Variants in ANKS1B observed in about 807,000 individuals in gnomAD.
The protein encoded by ANKS1B is ankyrin repeat and sterile alpha motif domain-containing protein 1B.
A neutral mutation model predicts 148.3 loss-of-function variants in ANKS1B; 36 were observed. That is an observed-to-expected ratio of 0.24 (90% confidence interval 0.19 to 0.32). The LOEUF is 0.32. Among genes scored for constraint, ANKS1B ranks in the 10% least tolerant of loss-of-function variants. ANKS1B has a pLI of 1.00. For synonymous variants in ANKS1B, 542 were observed against 560.8 expected (o/e 0.97, Z 0.47); for missense variants, 1,157 against 1,542.6 (o/e 0.75, Z 4.19).
chr12:99,504,452 C>A, intron 10 of ANKS1B, 24 bp downstream of exon 10: 2 of 1,605,310 alleles, frequency 1.2e-6, no homozygotes, highest in Non-Finnish European at 1.7e-6. Context: ...TTGAATCAGG[C>A]CAATTGTGAG....
intron 14 of ANKS1B, among the ~76,000 whole-genome samples, chr12:99,164,992 T>C (rs1282243630): frequency 6.6e-6 from 1 of 152,048 alleles, no homozygotes; most frequent in Non-Finnish European, 1.5e-5. Context: ...GTAGTTTAGT[T>C]AGAATAGTTT....
intron 2 of ANKS1B, among the ~76,000 whole-genome samples, chr12:99,825,033 T>TA (rs1237012077): frequency 6.6e-6 from 1 of 152,180 alleles, no homozygotes; most frequent in Non-Finnish European, 1.5e-5. Context: ...CCCCCAAAGA[T>TA]ACACATGACT....
chr12:99,167,938 A>G (rs558035986), intron 14 of ANKS1B, among the ~76,000 whole-genome samples: 37 of 152,234 alleles, frequency 2.4e-4, no homozygotes, highest in Non-Finnish European at 4.9e-4. Flanking sequence ...AGTGAAAGAA[A>G]CCAGACCAAA....
chr12:99,189,225 C>T (rs1257474380), intron 14 of ANKS1B, among the ~76,000 whole-genome samples: 1 of 152,040 alleles, frequency 6.6e-6, no homozygotes, highest in Non-Finnish European at 1.5e-5. Flanking sequence ...AAAAAAAGTC[C>T]AGGACCAAAC....
At chr12:99,468,048 G>C (rs1301997520) in intron 10 of ANKS1B, among the ~76,000 whole-genome samples, 2 of 152,100 alleles carry the variant, frequency 1.3e-5, no homozygotes, top group Admixed American at 6.6e-5. Context: ...ACACTACAAG[G>C]CTACAGTAAC....
chr12:99,638,648 G>C (rs539247496), intron 9 of ANKS1B, among the ~76,000 whole-genome samples: 1 of 152,272 alleles, frequency 6.6e-6, no homozygotes, highest in Admixed American at 6.5e-5. Context: ...ATTTTCTGGG[G>C]AGAAATCAAG....
At chr12:99,521,726 A>ATC (rs202020332) in intron 9 of ANKS1B, among the ~76,000 whole-genome samples, 540 of 150,670 alleles carry the variant, frequency 3.6e-3, no homozygotes, top group Middle Eastern at 0.01. Flanking sequence ...CTCTCTCTCA[A>ATC]TCTCTCGCTC....
intron 12 of ANKS1B, among the ~76,000 whole-genome samples, chr12:99,298,349 A>G (rs1004403395): frequency 2.3e-4 from 35 of 152,202 alleles, no homozygotes; most frequent in African/African-American, 6.5e-4. Flanking sequence ...TTCTCATAGT[A>G]GTGAACAAGT....
At chr12:98,737,602 C>G (rs2097779804) in intron 9 of ANKS1B, among the ~76,000 whole-genome samples, 1 of 152,184 alleles carries the variant, frequency 6.6e-6, no homozygotes. Context: ...CTCCTGAGTT[C>G]CATGGGATGA....
intron 10 of ANKS1B, among the ~76,000 whole-genome samples, chr12:99,466,359 T>A (rs543581458): frequency 5.3e-5 from 8 of 152,108 alleles, no homozygotes; most frequent in Non-Finnish European, 1.2e-4. Flanking sequence ...ATTGACACCC[T>A]AACATCACAA....
chr12:99,045,551 C>T (rs2099961775), intron 17 of ANKS1B, among the ~76,000 whole-genome samples: 1 of 152,192 alleles, frequency 6.6e-6, no homozygotes, highest in African/African-American at 2.4e-5. Flanking sequence ...CAGGTGCCAA[C>T]ACGAAAGATT....
At chr12:99,359,340 A>G (rs2152422957) in intron 12 of ANKS1B, among the ~76,000 whole-genome samples, 1 of 152,148 alleles carries the variant, frequency 6.6e-6, no homozygotes, top group Admixed American at 6.6e-5. Context: ...AGGATATTTT[A>G]TTATTTAAGT....
chr12:99,671,384 T>A (rs79510713), intron 8 of ANKS1B, among the ~76,000 whole-genome samples: 3 of 152,090 alleles, frequency 2.0e-5, no homozygotes, highest in African/African-American at 7.2e-5. Context: ...TTAATAGGCA[T>A]GTTTGATCAA....
intron 1 of ANKS1B, among the ~76,000 whole-genome samples, chr12:99,832,385 C>T (rs1014067916): frequency 1.3e-5 from 2 of 151,864 alleles, no homozygotes; most frequent in African/African-American, 4.8e-5. Context: ...GTCAGGAGAT[C>T]GAGACCAGCC....
intron 11 of ANKS1B, among the ~76,000 whole-genome samples, chr12:99,414,505 A>T (rs2094828717): frequency 6.6e-6 from 1 of 151,482 alleles, no homozygotes; most frequent in Admixed American, 6.6e-5. Context: ...TGCAGCCATA[A>T]AAAGGATGAG....
intron 14 of ANKS1B, among the ~76,000 whole-genome samples, chr12:99,236,724 C>T (rs1469059746): frequency 6.6e-6 from 1 of 152,178 alleles, no homozygotes; most frequent in East Asian, 1.9e-4. Flanking sequence ...GGAGGGCATG[C>T]TTGTCTTGTG....
rs1036685567 is a variant in ANKS1B, at chr12:98,751,639, G to A, written c.3580-117C>T. 1.1e-6 allele frequency: 1 copy of A among 944,848 alleles called. No homozygotes were observed. The highest frequency in any genetic ancestry group is 1.6e-5 in the South Asian group (1 of 63,952). 58.5% of individuals were successfully genotyped at this position (944,848 alleles called of 1,614,324 possible). A position where few individuals can be genotyped will look rare whatever the true frequency, so the allele number is the denominator to read the frequency against. On this transcript the variant is annotated intron_variant, in intron 25 of 26. Coordinates refer to ENST00000683438, the MANE Select transcript of ANKS1B (RefSeq NM_001352186.2). The surrounding 1 kb of genome is among the most constrained non-coding windows in gnomAD (Gnocchi z 4.3). ...GAGGAACTTGAACTACTTCACCAGAGGCAGCAGCGATTCGGTGGAAATCTA... is the reference window on the plus strand; with the variant it reads ...GAGGAACTTGAACTACTTCACCAGAAGCAGCAGCGATTCGGTGGAAATCTA...
intron 1 of ANKS1B, among the ~76,000 whole-genome samples, chr12:99,916,582 G>A (rs2094178083): frequency 6.6e-6 from 1 of 152,146 alleles, no homozygotes; most frequent in South Asian, 2.1e-4. Flanking sequence ...TGAAACAAGA[G>A]CCATTATAAT....
At chr12:99,017,725 T>C (rs2099943384) in intron 17 of ANKS1B, among the ~76,000 whole-genome samples, 1 of 152,186 alleles carries the variant, frequency 6.6e-6, no homozygotes, top group South Asian at 2.1e-4. Flanking sequence ...ATAACTCCAG[T>C]TCTCCCACGT....
Sources: allele counts gnomAD v4.1 joint callset (sites outside exome capture counted in the v4.1 genomes callset), GRCh38; gene constraint gnomAD v4.1.1; non-coding constraint Gnocchi (gnomAD v3.1); transcripts MANE v1.5; gene names NCBI Gene and HGNC (gene_info 2026-07-23, HGNC 2026-07-21).